CAST: variants seen among roughly 807,000 people sequenced by gnomAD.
CAST encodes the protein calpastatin.
A neutral mutation model predicts 119.6 loss-of-function variants in CAST; 76 were observed. That is an observed-to-expected ratio of 0.64 (90% CI 0.53 to 0.77). The LOEUF is 0.77. CAST is among the 30% of genes least tolerant of loss of function. The probability of loss-of-function intolerance (pLI) is 0.00; values close to 1 mark genes in which losing one functional copy is unlikely to be tolerated. For missense variants in CAST, 953 were observed against 946.5 expected (o/e 1.01, Z -0.09); for synonymous variants, 319 against 331.6 (o/e 0.96, Z 0.41).
At chr5:96,067,993 C>T in the CAST span, among the ~76,000 whole-genome samples, 5 of 152,112 alleles carry the variant, frequency 3.3e-5, no homozygotes, top group Non-Finnish European at 7.4e-5. Context: ...ACAGGCCACT[C>T]TAGCTGGGGA....
At chr5:96,433,668 C>T in the CAST span, among the ~76,000 whole-genome samples, 3 of 152,084 alleles carry the variant, frequency 2.0e-5, no homozygotes, top group African/African-American at 7.2e-5. Context: ...CTATGAAGAA[C>T]AAGGCTCTTA....
At chr5:96,439,104 G>A in the CAST span, among the ~76,000 whole-genome samples, 1 of 152,086 alleles carries the variant, frequency 6.6e-6, no homozygotes, top group Non-Finnish European at 1.5e-5. Context: ...AATTTATAAT[G>A]GTTGCATAGC....
chr5:96,065,421 G>A, the CAST span, among the ~76,000 whole-genome samples: 92,457 of 150,694 alleles, frequency 0.61, 28,397 homozygotes, highest in Non-Finnish European at 0.63. Flanking sequence ...GTGTGTGTGT[G>A]TGTGTGTGTG....
At chr5:96,180,500 C>T in the CAST span, among the ~76,000 whole-genome samples, 1 of 152,200 alleles carries the variant, frequency 6.6e-6, no homozygotes, top group Admixed American at 6.5e-5. Flanking sequence ...TGGTCCTTCA[C>T]ATTCTCAGTC....
At chr5:96,029,633 T>A in the CAST span, among the ~76,000 whole-genome samples, 1 of 152,116 alleles carries the variant, frequency 6.6e-6, no homozygotes, top group Non-Finnish European at 1.5e-5. Flanking sequence ...TTAAATAACA[T>A]CTTACTCTTT....
chr5:96,135,207 T>C, the CAST span, among the ~76,000 whole-genome samples: 1 of 152,166 alleles, frequency 6.6e-6, no homozygotes, highest in African/African-American at 2.4e-5. Flanking sequence ...TTTTACTTAC[T>C]GCTTTAAAAT....
the CAST span, among the ~76,000 whole-genome samples, chr5:96,311,140 T>C: frequency 6.6e-6 from 1 of 152,144 alleles, no homozygotes; most frequent in Non-Finnish European, 1.5e-5. Context: ...TATTTTTGTT[T>C]GTCTCAAGAT....
chr5:96,299,221 G>C, the CAST span, among the ~76,000 whole-genome samples: 2 of 151,432 alleles, frequency 1.3e-5, no homozygotes, highest in Non-Finnish European at 2.9e-5. Context: ...CTCCAGCCTG[G>C]GCAACAAGAG....
chr5:96,306,081 CTT>C, the CAST span, among the ~76,000 whole-genome samples: 27 of 152,220 alleles, frequency 1.8e-4, no homozygotes, highest in African/African-American at 6.0e-4. Context: ...TGTTCCTAGA[CTT>C]TTTTTGGTTG....
At chr5:96,232,133 G>A in the CAST span, among the ~76,000 whole-genome samples, 1 of 151,948 alleles carries the variant, frequency 6.6e-6, no homozygotes, top group African/African-American at 2.4e-5. Context: ...TTTATCCGGG[G>A]TCAATTTCCA....
chr5:96,466,592 A>G, the CAST span, among the ~76,000 whole-genome samples: 3 of 151,828 alleles, frequency 2.0e-5, no homozygotes, highest in Non-Finnish European at 4.4e-5. Flanking sequence ...TTCCATAAAC[A>G]GGCAGACAAA....
At chr5:96,322,932 A>C in the CAST span, among the ~76,000 whole-genome samples, 1 of 152,078 alleles carries the variant, frequency 6.6e-6, no homozygotes, top group Non-Finnish European at 1.5e-5. Context: ...TAAGGAGGAG[A>C]AAGGGACTCT....
At chr5:96,768,483 GTAT>G (rs892986000) in intron 29 of CAST, 2 of 420,006 alleles carry the variant, frequency 4.8e-6, no homozygotes, top group African/African-American at 4.2e-5. Flanking sequence ...CCCCAAAACA[GTAT>G]TATTTTGTGG....
chr5:96,715,703 C>G (rs1381610485), intron 3 of CAST, among the ~76,000 whole-genome samples: 2 of 152,206 alleles, frequency 1.3e-5, no homozygotes, highest in African/African-American at 4.8e-5. Flanking sequence ...ATAGTCCCTG[C>G]CTTGTCTATG....
chr5:96,521,580 CAT>C (rs138897193), upstream of CAST, among the ~76,000 whole-genome samples: 1,680 of 152,306 alleles, frequency 0.011, 26 homozygotes, highest in African/African-American at 0.039. Context: ...CTTGTTCCCA[CAT>C]AGTCACTTAG....
Position 96,736,196 on chromosome 5 carries a change from C to T in CAST, c.655C>T (p.Pro219Ser), listed in dbSNP as rs1251276310. The change falls in exon 10 of 32, where the codon CCA becomes TCA. Residue 219 changes from proline (P) to serine (S), a missense_variant. Transcript: ENST00000675179. ...GAAAAAAGAAAAGAAATCATTAACC[C>T]CAGCTGTGCCAGTTGAATCTAAACC... ...DKKKEKKSLT[P>S]AVPVESKPDK... is the part of the protein sequence containing the mutation. The T allele has an allele frequency of 3.7e-6, 6 of 1,612,424 alleles. No homozygotes were observed. In the South Asian group the frequency reaches 5.5e-5, roughly 15 times the overall value.
In CAST at chr5:96,773,779, G is replaced by T. The variant is rs764740767; in HGVS notation, c.*1163G>T. On this transcript the variant is annotated 3_prime_UTR_variant, in exon 32 of 32. Coordinates refer to ENST00000675179, the MANE Select transcript of CAST (RefSeq NM_001750.7). ...AATTTCATCTTTATTTCCTGGTAGA[G>T]AATGCAGGAAAAGATGTCAGGTACA... The T allele has an allele frequency of 2.6e-5, 4 of 152,276 alleles. No homozygotes were observed. Among genetic ancestry groups the T allele is most frequent in the Non-Finnish European group, 5.9e-5 (4 of 68,012 alleles). 9.4% of individuals were successfully genotyped at this position (152,276 alleles called of 1,614,324 possible). A position where few individuals can be genotyped will look rare whatever the true frequency, so the allele number is the denominator to read the frequency against.
the CAST span, among the ~76,000 whole-genome samples, chr5:96,134,917 AG>A: frequency 1.3e-5 from 2 of 152,218 alleles, no homozygotes; most frequent in Admixed American, 6.5e-5. Context: ...TAAAATATAA[AG>A]GGAAGACCTC....
the CAST span, among the ~76,000 whole-genome samples, chr5:96,158,148 A>C: frequency 6.6e-6 from 1 of 151,954 alleles, no homozygotes; most frequent in Non-Finnish European, 1.5e-5. Flanking sequence ...ATAAGATCCT[A>C]CCACACCTAG....
Sources: gnomAD v4.1 joint callset for allele counts (sites outside exome capture counted in the v4.1 genomes callset) on GRCh38, gnomAD v4.1.1 for gene constraint, MANE v1.5 for transcripts, NCBI Gene and HGNC (gene_info 2026-07-23, HGNC 2026-07-21) for gene names.